Variants in HLCS observed in about 807,000 individuals in gnomAD.
HLCS encodes the protein biotin--protein ligase.
A neutral mutation model predicts 75.0 loss-of-function variants in HLCS; 53 were observed. The observed-to-expected ratio is 0.71, with a 90% CI of 0.57 to 0.89. HLCS has a LOEUF of 0.89. Ranked by LOEUF, HLCS falls within the 40% of genes least tolerant of loss-of-function variation. The probability of loss-of-function intolerance (pLI) is 0.00; values close to 1 mark genes in which losing one functional copy is unlikely to be tolerated. For missense variants in HLCS, 966 were observed against 1,074.0 expected (o/e 0.90, Z 1.41); for synonymous variants, 431 against 428.6 (o/e 1.01, Z -0.07).
intron 6 of HLCS, among the ~76,000 whole-genome samples, chr21:36,792,203 G>A (rs577844648): frequency 6.6e-5 from 10 of 152,082 alleles, no homozygotes; most frequent in East Asian, 3.9e-4. Context: ...TAAATCACCC[G>A]GCGGCTACCC....
chr21:36,921,240 T>C (rs972670407), intron 5 of HLCS, among the ~76,000 whole-genome samples: 2 of 151,854 alleles, frequency 1.3e-5, no homozygotes, highest in African/African-American at 4.8e-5. Flanking sequence ...AGGTCAGGAG[T>C]CCAAGACCAG....
At chr21:36,927,236 G>T (rs1032860434) in intron 5 of HLCS, among the ~76,000 whole-genome samples, 1 of 152,214 alleles carries the variant, frequency 6.6e-6, no homozygotes, top group East Asian at 1.9e-4. Flanking sequence ...GCCAAGCCCT[G>T]CTTCCTCTTG....
intron 6 of HLCS, among the ~76,000 whole-genome samples, chr21:36,843,964 T>C (rs2062708015): frequency 1.3e-5 from 2 of 152,186 alleles, no homozygotes. Flanking sequence ...GCCATGATCA[T>C]ACCACTGCAC....
chr21:36,948,073 C>T (rs961040848), intron 2 of HLCS: 21 of 689,920 alleles, frequency 3.0e-5, no homozygotes, highest in East Asian at 1.4e-4. Context: ...AGGTGGATCA[C>T]GAGGTCAGGA....
chr21:36,756,298 T>C (rs1425819943), intron 10 of HLCS, among the ~76,000 whole-genome samples: 8 of 151,084 alleles, frequency 5.3e-5, no homozygotes, highest in Middle Eastern at 3.4e-3. Flanking sequence ...ATTAGCCGGG[T>C]GTGGCGGCGG....
chr21:36,937,566 ACACTAATTGTTCC>A (rs1176365270), intron 3 of HLCS, among the ~76,000 whole-genome samples, 174 bp from the exon 4 acceptor site: 1 of 152,168 alleles, frequency 6.6e-6, no homozygotes, highest in Non-Finnish European at 1.5e-5. Flanking sequence ...TCCTTTGGAA[ACACTAATTGTTCC>A]CACCTGAAGA....
At chr21:36,775,490 A>C (rs1043346647) in intron 6 of HLCS, among the ~76,000 whole-genome samples, 3 of 152,216 alleles carry the variant, frequency 2.0e-5, no homozygotes, top group Non-Finnish European at 4.4e-5. Context: ...CATAGAGAGA[A>C]ATATTCATGG....
chr21:36,790,127 C>T (rs557479635), intron 6 of HLCS, among the ~76,000 whole-genome samples: 196 of 152,292 alleles, frequency 1.3e-3, no homozygotes, highest in African/African-American at 4.6e-3. Flanking sequence ...CGTTTTGGGC[C>T]TGGCGCAGTG....
chr21:36,811,582 G>C (rs1201375754), intron 6 of HLCS, among the ~76,000 whole-genome samples: 2 of 152,208 alleles, frequency 1.3e-5, no homozygotes, highest in African/African-American at 4.8e-5. Context: ...GCTTCAGCTT[G>C]ATACAGTGGA....
At chr21:36,777,520 G>A (rs192382393) in intron 6 of HLCS, among the ~76,000 whole-genome samples, 10 of 152,206 alleles carry the variant, frequency 6.6e-5, no homozygotes, top group African/African-American at 2.2e-4. Flanking sequence ...CTTTTTTTCT[G>A]GTCTAAGATC....
In HLCS at chr21:36,759,746, T is replaced by C; in HGVS notation, c.2217A>G (p.Glu739=). 6.2e-7 allele frequency: 1 copy of C among 1,601,230 alleles called. No individual in the cohort carries two copies. Among genetic ancestry groups the C allele is most frequent in the Non-Finnish European group, 8.6e-7 (1 of 1,168,192 alleles). Residue 739 remains glutamate, a synonymous_variant, in exon 9 of 11, where the codon GAA becomes GAG. Transcript: ENST00000674895. ...ACTTACCAATAAGTATATAAAATGT[T>C]TCTCCCATGAGTGTTGAGTTAACCA... ...GVLVNSTLMG[E]TFYILIGCGF...
intron 1 of HLCS, among the ~76,000 whole-genome samples, chr21:36,965,429 T>G (rs986770374): frequency 2.0e-5 from 3 of 152,204 alleles, no homozygotes; most frequent in African/African-American, 7.2e-5. Context: ...AATGGAAAGA[T>G]CTATTGTTCC....
intron 6 of HLCS, among the ~76,000 whole-genome samples, chr21:36,779,264 CA>C (rs2060455204): frequency 6.6e-6 from 1 of 152,064 alleles, no homozygotes; most frequent in South Asian, 2.1e-4. Context: ...AATCAAAGGT[CA>C]ACTGTATTTC....
At chr21:36,945,992 G>A (rs1262597702) in intron 2 of HLCS, 1 of 340,060 alleles carries the variant, frequency 2.9e-6, no homozygotes, top group Non-Finnish European at 4.2e-6. Context: ...CTGTAAGGTA[G>A]AGATAAGAGC....
At chr21:36,784,531 G>A (rs1344257185) in intron 6 of HLCS, among the ~76,000 whole-genome samples, 2 of 151,966 alleles carry the variant, frequency 1.3e-5, no homozygotes, top group African/African-American at 4.8e-5. Context: ...GGCCAGGCTG[G>A]TCTTGAACTC....
intron 1 of HLCS, among the ~76,000 whole-genome samples, chr21:36,975,597 A>G (rs915517411): frequency 6.6e-6 from 1 of 152,014 alleles, no homozygotes; most frequent in Non-Finnish European, 1.5e-5. Context: ...ACATAGTGAG[A>G]CCCCATCTCT....
At chr21:36,807,100 G>A (rs1263471133) in intron 6 of HLCS, among the ~76,000 whole-genome samples, 1 of 152,096 alleles carries the variant, frequency 6.6e-6, no homozygotes, top group East Asian at 1.9e-4. Flanking sequence ...ACCCAGAAGT[G>A]CAAAAAAGGA....
At position 36,985,851 on chromosome 21, in the gene HLCS, C is replaced by T. The variant is rs910823791; in HGVS notation, c.-393+4307G>A. Among the ~76,000 whole-genome samples the T allele has an allele frequency of 2.0e-5, 3 of 151,876 alleles. No individual in the cohort carries two copies. The East Asian group carries it at 5.8e-4, about 29-fold the overall frequency. The stretch of plus-strand genomic sequence containing the variant: ...TGTCTAATGTTTCCTAAATCCAATT[C>T]AGGTTATGCATTTTTGGCACAGGAT... On this transcript the variant is annotated intron_variant, in intron 1 of 11. Transcript: ENST00000336648.
At chr21:36,947,748 G>A in intron 2 of HLCS, 1 of 985,464 alleles carries the variant, frequency 1.0e-6, no homozygotes, top group Middle Eastern at 5.2e-4. Flanking sequence ...GTCCGGGAGT[G>A]AAAGACCCCA....
Sources: allele counts gnomAD v4.1 joint callset (sites outside exome capture counted in the v4.1 genomes callset), GRCh38; gene constraint gnomAD v4.1.1; transcripts MANE v1.5; gene names NCBI Gene and HGNC (gene_info 2026-07-23, HGNC 2026-07-21).